Variants in CDC42SE2 observed in about 807,000 individuals in gnomAD.
CDC42SE2 encodes the protein CDC42 small effector protein 2.
CDC42SE2 carries 3 observed loss-of-function variants against 11.5 expected under a neutral mutation model. The ratio of observed to expected loss-of-function variants is 0.26; its 90% CI spans 0.12 to 0.67. The LOEUF (loss-of-function observed/expected upper bound fraction) is 0.67. Among genes scored for constraint, CDC42SE2 ranks in the 30% least tolerant of loss-of-function variants. The probability of loss-of-function intolerance (pLI) is 0.80; values close to 1 mark genes in which losing one functional copy is unlikely to be tolerated. For synonymous variants in CDC42SE2, 33 were observed against 34.8 expected (o/e 0.95, Z 0.18); for missense variants, 82 against 106.8 (o/e 0.77, Z 1.02).
intron 2 of CDC42SE2, among the ~76,000 whole-genome samples, chr5:131,333,044 G>A (rs1240542247): frequency 5.3e-5 from 8 of 152,060 alleles, no homozygotes; most frequent in South Asian, 2.1e-4. Flanking sequence ...GTCCTTGCCC[G>A]TGCCTATACC....
chr5:131,221,290 AT>A, the CDC42SE2 span, among the ~76,000 whole-genome samples: 1 of 150,138 alleles, frequency 6.7e-6, no homozygotes, highest in African/African-American at 2.4e-5. Context: ...ACATTATGAG[AT>A]TTTTTTGCGA....
At chr5:131,349,311 A>C (rs1475707512) in intron 2 of CDC42SE2, among the ~76,000 whole-genome samples, 1 of 127,078 alleles carries the variant, frequency 7.9e-6, no homozygotes, top group African/African-American at 3.0e-5. Context: ...ACTTGGACAC[A>C]GGGGAACATC....
intron 3 of CDC42SE2, among the ~76,000 whole-genome samples, chr5:131,376,380 T>C (rs1750158060): frequency 1.3e-5 from 2 of 152,232 alleles, no homozygotes; most frequent in Non-Finnish European, 2.9e-5. Context: ...TATACTGCTA[T>C]AGAAGGTACT....
intron 1 of CDC42SE2, among the ~76,000 whole-genome samples, chr5:131,286,313 G>A (rs1757338902): frequency 6.6e-6 from 1 of 151,360 alleles, no homozygotes; most frequent in Non-Finnish European, 1.5e-5. Context: ...TGAACTCCTG[G>A]GCTTAAGTGA....
At chr5:131,257,210 C>T (rs754153172) in intron 2 of CDC42SE2, among the ~76,000 whole-genome samples, 3 of 151,536 alleles carry the variant, frequency 2.0e-5, no homozygotes, top group Admixed American at 6.6e-5. Context: ...GGTTTGCCAT[C>T]GTCCAACTTC....
chr5:131,313,742 A>G (rs1292728291), intron 1 of CDC42SE2, among the ~76,000 whole-genome samples: 1 of 152,234 alleles, frequency 6.6e-6, no homozygotes, highest in African/African-American at 2.4e-5. Context: ...TTCTGGTTGT[A>G]TAAGGCTTCC....
intron 1 of CDC42SE2, among the ~76,000 whole-genome samples, chr5:131,279,823 C>T (rs531890673): frequency 7.2e-5 from 11 of 152,238 alleles, no homozygotes; most frequent in East Asian, 1.9e-4. Context: ...CTTGTAATCC[C>T]GGCACTTTGG....
Position 131,392,316 on chromosome 5 carries a change from G to C in CDC42SE2, c.*1225G>C, listed in dbSNP as rs2149792933. On this transcript the variant is annotated 3_prime_UTR_variant, in exon 5 of 5. Coordinates refer to ENST00000505065, the MANE Select transcript of CDC42SE2 (RefSeq NM_001375635.1). Reference sequence around the variant, plus strand: ...ATCATTTTTATTTGTTTGTTTGTTTGAAACTTCAGCAGAATAGATATCTGC... The same window carrying C: ...ATCATTTTTATTTGTTTGTTTGTTTCAAACTTCAGCAGAATAGATATCTGC... 6.5e-6 allele frequency: 1 copy of C among 152,788 alleles called. No homozygotes were observed. The highest frequency in any genetic ancestry group is 1.9e-4 in the East Asian group (1 of 5,322). 9.5% of individuals were successfully genotyped at this position (152,788 alleles called of 1,614,324 possible).
At chr5:131,372,767 A>C (rs1750047821) in intron 3 of CDC42SE2, among the ~76,000 whole-genome samples, 1 of 152,066 alleles carries the variant, frequency 6.6e-6, no homozygotes, top group Non-Finnish European at 1.5e-5. Context: ...GCTGGTACTT[A>C]TTTATTTACT....
In CDC42SE2 at chr5:131,264,074, G is replaced by A. The variant is rs2149687680; in HGVS notation, c.-547G>A. On this transcript the variant is annotated 5_prime_UTR_variant, in exon 1 of 5. Coordinates refer to ENST00000505065, the MANE Select transcript of CDC42SE2 (RefSeq NM_001375635.1). ...AGCCAGGAAGCTGCGAGCGCGCTGG[G>A]GAGCGCAGCTGCAGGCGTTGGGGCG... 6.6e-6 allele frequency: 1 copy of A among 152,282 alleles called. No homozygotes were observed. The highest frequency in any genetic ancestry group is 1.9e-4 in the East Asian group (1 of 5,168). The allele number at this position is 152,282 out of a possible 1,614,324, so 9.4% of individuals were successfully genotyped here.
the CDC42SE2 span, among the ~76,000 whole-genome samples, chr5:131,223,998 C>A: frequency 6.6e-6 from 1 of 152,138 alleles, no homozygotes; most frequent in Non-Finnish European, 1.5e-5. Context: ...CCTGGTTGCA[C>A]CCTCTACACT....
intron 1 of CDC42SE2, among the ~76,000 whole-genome samples, chr5:131,305,796 TTG>T (rs1757766713): frequency 1.3e-5 from 2 of 152,206 alleles, no homozygotes; most frequent in African/African-American, 4.8e-5. Context: ...GCCTGTATAT[TTG>T]GGGTTATATC....
At chr5:131,293,476 G>A (rs1301252977) in intron 1 of CDC42SE2, among the ~76,000 whole-genome samples, 1 of 151,928 alleles carries the variant, frequency 6.6e-6, no homozygotes, top group East Asian at 1.9e-4. Flanking sequence ...GGCGGCTGAG[G>A]CAGGAGAATC....
chr5:131,268,707 C>G (rs973980789), intron 1 of CDC42SE2, among the ~76,000 whole-genome samples: 5 of 150,372 alleles, frequency 3.3e-5, no homozygotes, highest in Non-Finnish European at 5.9e-5. Flanking sequence ...CTGCCTTAGC[C>G]TCCCAAAGTG....
intron 2 of CDC42SE2, among the ~76,000 whole-genome samples, chr5:131,338,433 G>A (rs1758629582): frequency 6.6e-6 from 1 of 152,206 alleles, no homozygotes; most frequent in Non-Finnish European, 1.5e-5. Context: ...GGCGGCTAGT[G>A]TTTCGTAGGC....
chr5:131,362,454 G>A (rs78767674), intron 3 of CDC42SE2, among the ~76,000 whole-genome samples: 161 of 152,142 alleles, frequency 1.1e-3, no homozygotes, highest in African/African-American at 3.5e-3. Context: ...CATATCCTTG[G>A]TATTCTAAAC....
At chr5:131,229,616 G>C in the CDC42SE2 span, among the ~76,000 whole-genome samples, 2 of 151,992 alleles carry the variant, frequency 1.3e-5, no homozygotes, top group African/African-American at 4.8e-5. Context: ...ACCTAAAGTA[G>C]GTTGTTTGTT....
chr5:131,384,931 A>C (rs1750434946), intron 3 of CDC42SE2, among the ~76,000 whole-genome samples: 1 of 151,634 alleles, frequency 6.6e-6, no homozygotes, highest in South Asian at 2.1e-4. Flanking sequence ...AAAAAAAAAA[A>C]AAAATTAAGA....
chr5:131,222,036 A>G, the CDC42SE2 span, among the ~76,000 whole-genome samples: 2 of 152,274 alleles, frequency 1.3e-5, no homozygotes, highest in African/African-American at 4.8e-5. Context: ...AATGTGAATA[A>G]GAAATCACTC....
Sources: gnomAD v4.1 joint callset for allele counts (sites outside exome capture counted in the v4.1 genomes callset) on GRCh38, gnomAD v4.1.1 for gene constraint, MANE v1.5 for transcripts, NCBI Gene and HGNC (gene_info 2026-07-23, HGNC 2026-07-21) for gene names.